The following THSD7B variants were observed in gnomAD, a reference collection of about 807,000 sequenced individuals.
THSD7B encodes the protein thrombospondin type 1 domain containing 7B, also known as thrombospondin type-1 domain-containing protein 7B.
In THSD7B, 138 loss-of-function variants were observed where a neutral mutation model predicts 213.6. That is an observed-to-expected ratio of 0.65 (90% confidence interval 0.56 to 0.74). The LOEUF is 0.74. THSD7B is among the 30% of genes least tolerant of loss of function. THSD7B has a pLI of 0.00. For missense variants in THSD7B, 1,931 were observed against 1,991.5 expected, an observed-to-expected ratio of 0.97 and a Z score of 0.58; for synonymous variants, 742 against 687.0, an observed-to-expected ratio of 1.08 and a Z score of -1.25.
intron 4 of THSD7B, among the ~76,000 whole-genome samples, chr2:137,098,855 T>C (rs992445761): frequency 1.3e-5 from 2 of 152,158 alleles, no homozygotes; most frequent in African/African-American, 4.8e-5. Context: ...TCCCTGGGGT[T>C]ACCACACTAC....
At chr2:136,966,685 G>A (rs533793733) in intron 2 of THSD7B, among the ~76,000 whole-genome samples, 40 of 152,072 alleles carry the variant, frequency 2.6e-4, no homozygotes, top group Non-Finnish European at 4.7e-4. Flanking sequence ...CTATTCAGCC[G>A]ATGACAAAAA....
intron 9 of THSD7B, among the ~76,000 whole-genome samples, chr2:137,241,700 C>G (rs777115701): frequency 6.6e-6 from 1 of 151,766 alleles, no homozygotes; most frequent in East Asian, 1.9e-4. Flanking sequence ...ATTATGAGGT[C>G]GAGAGATCGA....
chr2:137,515,440 C>T (rs1261620778), intron 15 of THSD7B, among the ~76,000 whole-genome samples: 1 of 152,178 alleles, frequency 6.6e-6, no homozygotes, highest in Non-Finnish European at 1.5e-5. Flanking sequence ...CTGTTTGCTT[C>T]TAGACCTATA....
intron 6 of THSD7B, among the ~76,000 whole-genome samples, chr2:137,167,119 G>A (rs1393131138): frequency 6.6e-6 from 1 of 152,036 alleles, no homozygotes. Flanking sequence ...AGCAAATGAA[G>A]TACTTAAGAC....
At chr2:137,477,874 T>G (rs941891979) in intron 15 of THSD7B, among the ~76,000 whole-genome samples, 11 of 149,590 alleles carry the variant, frequency 7.4e-5, no homozygotes, top group Non-Finnish European at 1.6e-4. Context: ...TGACTGATAG[T>G]TTTTTTTTTC....
chr2:137,150,487 A>G (rs1281132232), intron 5 of THSD7B, among the ~76,000 whole-genome samples: 1 of 151,966 alleles, frequency 6.6e-6, no homozygotes, highest in African/African-American at 2.4e-5. Context: ...ATGTTTTTAT[A>G]AGGGGCTTCC....
At position 137,377,085 on chromosome 2, in the gene THSD7B, T is replaced by C. The variant is rs753544036; in HGVS notation, c.2501-28528T>C. ...ATATTCTGTATACACTAAAATGCAATTGATTCATAGATATTTATATATTTA... is the reference window on the plus strand; with the variant it reads ...ATATTCTGTATACACTAAAATGCAACTGATTCATAGATATTTATATATTTA... On this transcript the variant is annotated intron_variant, in intron 12 of 27. Transcript: ENST00000409968. Among the ~76,000 whole-genome samples the C allele has an allele frequency of 1.2e-4, 18 of 152,200 alleles. 1 individual carries two copies. The highest frequency in any genetic ancestry group is 2.1e-4 in the Non-Finnish European group (14 of 68,034).
chr2:136,766,409 A>C (rs1240441023), intron 1 of THSD7B, among the ~76,000 whole-genome samples: 7 of 142,962 alleles, frequency 4.9e-5, no homozygotes, highest in Non-Finnish European at 1.1e-4. Context: ...AGTGAGGGGC[A>C]GGGAGGGGGG....
chr2:137,582,722 C>T (rs1369609364), intron 17 of THSD7B, among the ~76,000 whole-genome samples: 2 of 152,152 alleles, frequency 1.3e-5, no homozygotes, highest in Non-Finnish European at 2.9e-5. Context: ...GCCACATTTT[C>T]TTAATCCAGT....
intron 12 of THSD7B, among the ~76,000 whole-genome samples, chr2:137,367,994 A>G (rs11690984): frequency 0.39 from 59,844 of 151,806 alleles, 13,938 homozygotes; most frequent in East Asian, 0.59. Context: ...CTATTACATA[A>G]CCTATTCAGT....
intron 2 of THSD7B, among the ~76,000 whole-genome samples, chr2:137,031,884 C>T (rs1686678244): frequency 6.7e-6 from 1 of 149,992 alleles, no homozygotes; most frequent in Non-Finnish European, 1.5e-5. Context: ...CTCTGTCACC[C>T]AGACTGGCAT....
chr2:137,376,395 T>G (rs1685657258), intron 12 of THSD7B, among the ~76,000 whole-genome samples: 1 of 152,180 alleles, frequency 6.6e-6, no homozygotes, highest in African/African-American at 2.4e-5. Context: ...TCCCTGTGCC[T>G]TTAGGTGAAG....
At chr2:137,210,025 A>G (rs11680303) in intron 7 of THSD7B, among the ~76,000 whole-genome samples, 90,767 of 151,826 alleles carry the variant, frequency 0.6, 27,531 homozygotes, top group South Asian at 0.71. Flanking sequence ...ATAGCAAAAA[A>G]GCTGCCATCT....
intron 15 of THSD7B, among the ~76,000 whole-genome samples, chr2:137,559,891 G>C (rs576437419): frequency 6.6e-6 from 1 of 152,282 alleles, no homozygotes; most frequent in East Asian, 1.9e-4. Flanking sequence ...CCATCAACAA[G>C]TGGGTGAAGG....
intron 15 of THSD7B, among the ~76,000 whole-genome samples, chr2:137,509,000 C>T (rs1364199036): frequency 2.6e-5 from 4 of 152,062 alleles, no homozygotes; most frequent in Non-Finnish European, 4.4e-5. Context: ...ACTATGAGGT[C>T]GTCCTGGGGC....
At chr2:137,153,866 G>A (rs537871203) in intron 5 of THSD7B, among the ~76,000 whole-genome samples, 15 of 152,020 alleles carry the variant, frequency 9.9e-5, no homozygotes, top group African/African-American at 2.7e-4. Flanking sequence ...ACATAAGTAG[G>A]CTCTTTCATT....
At chr2:137,655,398 GA>G in intron 21 of THSD7B, 102 bp from the exon 22 acceptor site, 1 of 1,294,460 alleles carries the variant, frequency 7.7e-7, no homozygotes, top group Non-Finnish European at 1.0e-6. Context: ...AGGAAGCTAC[GA>G]AAATATGCAA....
At chr2:137,146,007 C>T (rs1429508138) in intron 5 of THSD7B, among the ~76,000 whole-genome samples, 1 of 151,894 alleles carries the variant, frequency 6.6e-6, no homozygotes, top group East Asian at 1.9e-4. Context: ...TTTTATAACC[C>T]ATTTTCTCTG....
intron 20 of THSD7B, among the ~76,000 whole-genome samples, chr2:137,636,420 C>T (rs1462195626): frequency 6.6e-6 from 1 of 152,194 alleles, no homozygotes; most frequent in African/African-American, 2.4e-5. Flanking sequence ...AGATCTCTTA[C>T]AGCTATCATA....
Sources: allele counts gnomAD v4.1 joint callset (sites outside exome capture counted in the v4.1 genomes callset), GRCh38; gene constraint gnomAD v4.1.1; transcripts MANE v1.5; gene names NCBI Gene and HGNC (gene_info 2026-07-23, HGNC 2026-07-21).